Variants in KSR2 observed in about 807,000 individuals in gnomAD.
KSR2 encodes kinase suppressor of ras 2.
KSR2 carries 25 observed loss-of-function variants against 107.8 expected under a neutral mutation model. That is an observed-to-expected ratio of 0.23 (90% CI 0.17 to 0.32). KSR2 has a LOEUF of 0.32. Ranked by LOEUF, KSR2 falls within the 10% of genes least tolerant of loss-of-function variation. The probability of loss-of-function intolerance (pLI) is 1.00; values close to 1 mark genes in which losing one functional copy is unlikely to be tolerated. For synonymous variants in KSR2, 480 were observed against 507.0 expected (o/e 0.95, Z 0.71); for missense variants, 887 against 1,268.9 (o/e 0.70, Z 4.57).
At chr12:117,591,431 G>T (rs1001699049) in intron 5 of KSR2, among the ~76,000 whole-genome samples, 2 of 152,066 alleles carry the variant, frequency 1.3e-5, no homozygotes, top group African/African-American at 4.8e-5. Context: ...GCTGAGACCT[G>T]GGGGAGTCTT....
Position 117,845,486 on chromosome 12 carries a change from G to A in KSR2, c.472+9942C>T, listed in dbSNP as rs56920439. ...AGAGGCTCGCTGTCAGTTTCAGTGT[G>A]AACTTGGTTAAGCGATAGACCCCAG... On this transcript the variant is annotated intron_variant, in intron 3 of 19. Transcript: ENST00000339824. Among the ~76,000 whole-genome samples the A allele has an allele frequency of 9.7e-3, 1,483 of 152,258 alleles. 27 individuals are homozygous for A. Among genetic ancestry groups the A allele is most frequent in the African/African-American group, 0.034 (1,405 of 41,540 alleles).
At chr12:117,536,894 T>C (rs1367897945) in intron 10 of KSR2, among the ~76,000 whole-genome samples, 1 of 152,262 alleles carries the variant, frequency 6.6e-6, no homozygotes, top group Non-Finnish European at 1.5e-5. Flanking sequence ...AGAAGTGATA[T>C]AATGGTCAAA....
intron 14 of KSR2, among the ~76,000 whole-genome samples, chr12:117,521,212 G>T (rs1476567764): frequency 2.0e-5 from 3 of 152,132 alleles, no homozygotes; most frequent in Non-Finnish European, 4.4e-5. Flanking sequence ...TCTGGTGCAG[G>T]AAGGTCCAGG....
At position 117,467,002 on chromosome 12, in the gene KSR2, C is replaced by T. The variant is rs1173439384; in HGVS notation, c.*197G>A. ...CCGGTTCAGTCCTAGCTCGGGGGTC[C>T]CCAACCCTGCCCGAGGAAAAGGGCT... On this transcript the variant is annotated 3_prime_UTR_variant, in exon 20 of 20. Coordinates refer to ENST00000339824, the MANE Select transcript of KSR2 (RefSeq NM_173598.6). The T allele has an allele frequency of 4.2e-6, 2 of 477,702 alleles. No individual in the cohort carries two copies. Among genetic ancestry groups the T allele is most frequent in the South Asian group, 8.0e-5 (2 of 25,072 alleles). 29.6% of individuals were successfully genotyped at this position (477,702 alleles called of 1,614,324 possible).
intron 3 of KSR2, among the ~76,000 whole-genome samples, chr12:117,792,802 A>C (rs1890303050): frequency 6.6e-6 from 1 of 152,194 alleles, no homozygotes; most frequent in Non-Finnish European, 1.5e-5. Context: ...GTCATCCCTA[A>C]AAATAACTGA....
intron 9 of KSR2, 42 bp downstream of exon 9, chr12:117,555,127 G>T: frequency 6.2e-7 from 1 of 1,612,644 alleles, no homozygotes; most frequent in Non-Finnish European, 8.5e-7. Flanking sequence ...ACCCAGCAGT[G>T]CCAGCCCCAC....
intron 1 of KSR2, among the ~76,000 whole-genome samples, chr12:117,967,252 C>A (rs1896825246): frequency 6.6e-6 from 1 of 152,106 alleles, no homozygotes; most frequent in South Asian, 2.1e-4. Context: ...AAAACTGTTT[C>A]AAACTCCCCC....
intron 3 of KSR2, among the ~76,000 whole-genome samples, chr12:117,836,414 A>T (rs1445984917): frequency 2.0e-5 from 3 of 152,182 alleles, no homozygotes; most frequent in African/African-American, 7.2e-5. Flanking sequence ...TTTGGGTTGT[A>T]TGATTCCCAA....
rs557096228 is a variant in KSR2, at chr12:117,821,868, G to C, written c.472+33560C>G. ...GTTTGACCTAGAGCAACTCCATCTT[G>C]AACAGAAGTTGGGTAAAATGAGGCT... On this transcript the variant is annotated intron_variant, in intron 3 of 19. Transcript: ENST00000339824. Among the ~76,000 whole-genome samples the C allele has an allele frequency of 2.0e-5, 3 of 152,274 alleles. No homozygotes were observed. The East Asian group carries it at 5.8e-4, about 29-fold the overall frequency.
At chr12:117,662,900 T>G (rs1250412374) in intron 5 of KSR2, among the ~76,000 whole-genome samples, 1 of 152,218 alleles carries the variant, frequency 6.6e-6, no homozygotes, top group Non-Finnish European at 1.5e-5. Flanking sequence ...CCAGGATGAA[T>G]GAGTCGCAGG....
At chr12:117,482,291 C>T (rs1052352339) in intron 16 of KSR2, among the ~76,000 whole-genome samples, 14 of 151,996 alleles carry the variant, frequency 9.2e-5, no homozygotes, top group Non-Finnish European at 1.3e-4. Flanking sequence ...CCAACTTCAC[C>T]CCCTCCCCGC....
At chr12:117,947,187 A>AAGAG (rs1896208152) in intron 1 of KSR2, among the ~76,000 whole-genome samples, 1 of 102,550 alleles carries the variant, frequency 9.8e-6, no homozygotes, top group African/African-American at 3.5e-5. Context: ...AGAAAGAAAG[A>AAGAG]AAAGAAAGAA....
intron 14 of KSR2, among the ~76,000 whole-genome samples, chr12:117,499,516 G>A (rs1482428644): frequency 1.3e-5 from 2 of 152,230 alleles, no homozygotes; most frequent in Non-Finnish European, 2.9e-5. Context: ...GAACTGAAAT[G>A]AGAAAGTGGA....
At chr12:117,803,468 C>T (rs370859538) in intron 3 of KSR2, among the ~76,000 whole-genome samples, 4 of 152,074 alleles carry the variant, frequency 2.6e-5, no homozygotes, top group African/African-American at 4.8e-5. Context: ...TTTGGGAGGC[C>T]GAGGCGGGCG....
intron 1 of KSR2, among the ~76,000 whole-genome samples, chr12:117,933,100 A>G (rs960203338): frequency 2.0e-5 from 3 of 152,196 alleles, no homozygotes; most frequent in African/African-American, 7.2e-5. Flanking sequence ...GTTCTTCCCA[A>G]TGTTAGCATG....
intron 4 of KSR2, among the ~76,000 whole-genome samples, chr12:117,701,026 G>C (rs946825381): frequency 6.6e-6 from 1 of 152,126 alleles, no homozygotes; most frequent in Non-Finnish European, 1.5e-5. Context: ...TAACCTTTTA[G>C]CTCCACCTGA....
At chr12:117,595,760 C>T (rs1431836195) in intron 5 of KSR2, among the ~76,000 whole-genome samples, 1 of 152,132 alleles carries the variant, frequency 6.6e-6, no homozygotes, top group African/African-American at 2.4e-5. Context: ...TTGAAGGCCA[C>T]CTCATTAAAA....
intron 4 of KSR2, among the ~76,000 whole-genome samples, chr12:117,687,924 C>A (rs893983743): frequency 6.6e-6 from 1 of 152,184 alleles, no homozygotes; most frequent in South Asian, 2.1e-4. Flanking sequence ...CCTTTCTGAG[C>A]CTGGGTCTCC....
At chr12:117,720,545 A>T (rs1046116792) in intron 4 of KSR2, among the ~76,000 whole-genome samples, 1 of 152,226 alleles carries the variant, frequency 6.6e-6, no homozygotes, top group African/African-American at 2.4e-5. Flanking sequence ...CCTGATTGGC[A>T]TCCCTGTAAA....
Sources: gnomAD v4.1 joint callset for allele counts (sites outside exome capture counted in the v4.1 genomes callset) on GRCh38, gnomAD v4.1.1 for gene constraint, MANE v1.5 for transcripts, NCBI Gene and HGNC (gene_info 2026-07-23, HGNC 2026-07-21) for gene names.